The following SLC24A2 variants were observed in gnomAD, a reference collection of about 807,000 sequenced individuals.
The protein encoded by SLC24A2 is sodium/potassium/calcium exchanger 2.
Under a neutral mutation model 62.0 loss-of-function variants are expected in SLC24A2, and 36 were observed. That is an observed-to-expected ratio of 0.58 (90% CI 0.44 to 0.77). SLC24A2 has a LOEUF of 0.77. SLC24A2 is among the 30% of genes least tolerant of loss of function. SLC24A2 has a pLI of 0.00. For missense variants in SLC24A2, 846 were observed against 817.9 expected, an observed-to-expected ratio of 1.03 and a Z score of -0.42; for synonymous variants, 358 against 294.0, an observed-to-expected ratio of 1.22 and a Z score of -2.23.
the SLC24A2 span, among the ~76,000 whole-genome samples, chr9:20,295,105 C>G: frequency 6.6e-6 from 1 of 151,670 alleles, no homozygotes; most frequent in East Asian, 1.9e-4. Context: ...ATTGCAACCT[C>G]AAGAGATACA....
the SLC24A2 span, among the ~76,000 whole-genome samples, chr9:19,807,980 AGAG>A: frequency 6.6e-6 from 1 of 152,258 alleles, no homozygotes; most frequent in South Asian, 2.1e-4. Context: ...CAGTTAATTC[AGAG>A]AAGACTTATA....
At chr9:20,111,821 CCTT>C in the SLC24A2 span, among the ~76,000 whole-genome samples, 2 of 151,922 alleles carry the variant, frequency 1.3e-5, no homozygotes, top group Admixed American at 6.6e-5. Context: ...CTTCTCCAGC[CCTT>C]CTTTCATTAT....
chr9:20,231,323 G>T, the SLC24A2 span, among the ~76,000 whole-genome samples: 2 of 152,124 alleles, frequency 1.3e-5, no homozygotes, highest in East Asian at 3.8e-4. Context: ...ATTATCTTGG[G>T]CAGTATGGCC....
intron 2 of SLC24A2, among the ~76,000 whole-genome samples, chr9:19,732,781 C>CT (rs2118717645): frequency 6.6e-6 from 1 of 152,248 alleles, no homozygotes; most frequent in Admixed American, 6.5e-5. Flanking sequence ...GCCAGGGTCA[C>CT]TTTTGATTGC....
At position 19,603,062 on chromosome 9, in the gene SLC24A2, T is replaced by C. The variant is rs1017664338; in HGVS notation, c.1079-5783A>G. ...AATATGATTTGAATAGCAAAGAACA[T>C]AGAATATCTGAAACCATCCATGCAA... is the stretch of plus-strand genomic sequence containing the variant. On this transcript the variant is annotated intron_variant, in intron 4 of 10. Coordinates refer to ENST00000341998, the MANE Select transcript of SLC24A2 (RefSeq NM_020344.4). 9.2e-5 allele frequency among the ~76,000 whole-genome samples: 14 copies of C among 152,254 alleles called. No individual in the cohort carries two copies. The East Asian group carries it at 2.1e-3, about 23-fold the overall frequency.
intron 8 of SLC24A2, among the ~76,000 whole-genome samples, chr9:19,532,345 C>T (rs925184438): frequency 1.1e-4 from 17 of 152,142 alleles, no homozygotes; most frequent in African/African-American, 3.9e-4. Context: ...ATCCTCCTGC[C>T]TCGGCTTCCC....
intron 5 of SLC24A2, among the ~76,000 whole-genome samples, chr9:19,594,617 C>T (rs965608315): frequency 1.3e-5 from 2 of 152,192 alleles, no homozygotes; most frequent in African/African-American, 4.8e-5. Context: ...CAACAAAGCC[C>T]TGCTCAAAAG....
At chr9:19,939,506 G>C in the SLC24A2 span, among the ~76,000 whole-genome samples, 1 of 152,320 alleles carries the variant, frequency 6.6e-6, no homozygotes, top group South Asian at 2.1e-4. Flanking sequence ...GCTGTACAGG[G>C]CGCTTACCAC....
At chr9:20,058,801 A>T in the SLC24A2 span, among the ~76,000 whole-genome samples, 1 of 152,222 alleles carries the variant, frequency 6.6e-6, no homozygotes, top group Non-Finnish European at 1.5e-5. Flanking sequence ...ATGCATACGT[A>T]TGTGTGTACA....
At chr9:20,087,633 C>T in the SLC24A2 span, among the ~76,000 whole-genome samples, 2 of 152,178 alleles carry the variant, frequency 1.3e-5, no homozygotes, top group Non-Finnish European at 2.9e-5. Context: ...TGTTCTAGAG[C>T]TGGCCTTTCT....
intron 9 of SLC24A2, 112 bp downstream of exon 9, chr9:19,527,937 G>C: frequency 1.4e-6 from 1 of 739,270 alleles, no homozygotes. Context: ...ACTCGTCTGT[G>C]TCACACCCAA....
the SLC24A2 span, among the ~76,000 whole-genome samples, chr9:20,179,801 A>G: frequency 6.6e-6 from 1 of 152,232 alleles, no homozygotes; most frequent in Non-Finnish European, 1.5e-5. Context: ...TTTGAATTGC[A>G]GAGTGTGCTA....
At chr9:20,085,043 TG>T in the SLC24A2 span, among the ~76,000 whole-genome samples, 1 of 152,192 alleles carries the variant, frequency 6.6e-6, no homozygotes, top group African/African-American at 2.4e-5. Flanking sequence ...TCACCTAGCC[TG>T]GAGTGCAGTG....
chr9:20,215,800 G>A, the SLC24A2 span, among the ~76,000 whole-genome samples: 1 of 151,714 alleles, frequency 6.6e-6, no homozygotes, highest in African/African-American at 2.4e-5. Context: ...CTGGGCCTGT[G>A]AGATTACTCC....
At chr9:19,570,870 C>T (rs1401935749) in intron 7 of SLC24A2, among the ~76,000 whole-genome samples, 1 of 152,142 alleles carries the variant, frequency 6.6e-6, no homozygotes, top group African/African-American at 2.4e-5. Context: ...CCTGATTGCT[C>T]TTGAGGTCCA....
rs567834992 is a variant in SLC24A2, at chr9:19,513,095, G to C, written c.*3058C>G. 1 of 149,578 alleles carries C rather than the reference G, an allele frequency of 6.7e-6. No individual in the cohort carries two copies. Among genetic ancestry groups the C allele is most frequent in the Non-Finnish European group, 1.5e-5 (1 of 67,752 alleles). The allele number at this position is 149,578 out of a possible 1,614,324, so 9.3% of individuals were successfully genotyped here. ...CTGCTTTAGAATCCTGAATGTGATA[G>C]GGTCAGAGGGTGATGATGTAAGTCA... On this transcript the variant is annotated 3_prime_UTR_variant, in exon 11 of 11. Transcript: ENST00000341998.
At chr9:19,753,959 C>G (rs942267336) in intron 2 of SLC24A2, among the ~76,000 whole-genome samples, 1 of 152,074 alleles carries the variant, frequency 6.6e-6, no homozygotes, top group Non-Finnish European at 1.5e-5. Flanking sequence ...TTTAGAGAAC[C>G]AAGCAGTATT....
the SLC24A2 span, among the ~76,000 whole-genome samples, chr9:20,221,170 G>A: frequency 2.0e-5 from 3 of 152,048 alleles, no homozygotes; most frequent in Non-Finnish European, 2.9e-5. Context: ...ATTGCGATAA[G>A]TGCCATGGAG....
At chr9:20,021,570 G>GT in the SLC24A2 span, among the ~76,000 whole-genome samples, 2 of 151,876 alleles carry the variant, frequency 1.3e-5, no homozygotes, top group Non-Finnish European at 2.9e-5. Context: ...ATGAGGCAAC[G>GT]TAGGTTCAAG....
Sources: gnomAD v4.1 joint callset for allele counts (sites outside exome capture counted in the v4.1 genomes callset) on GRCh38, gnomAD v4.1.1 for gene constraint, MANE v1.5 for transcripts, NCBI Gene and HGNC (gene_info 2026-07-23, HGNC 2026-07-21) for gene names.